The following CLSTN1 variants were observed in gnomAD, a reference collection of about 807,000 sequenced individuals.
CLSTN1 encodes calsyntenin 1, also known as calsyntenin-1.
A neutral mutation model predicts 108.3 loss-of-function variants in CLSTN1; 28 were observed. The observed-to-expected ratio is 0.26, with a 90% CI of 0.19 to 0.35. The LOEUF is 0.35. Ranked by LOEUF, CLSTN1 falls within the 10% of genes least tolerant of loss-of-function variation. CLSTN1 has a pLI of 1.00. For synonymous variants in CLSTN1, 524 were observed against 534.9 expected, an observed-to-expected ratio of 0.98 and a Z score of 0.28; for missense variants, 1,157 against 1,302.6, an observed-to-expected ratio of 0.89 and a Z score of 1.72.
At chr1:9,765,400 T>C (rs1297002448) in intron 2 of CLSTN1, among the ~76,000 whole-genome samples, 1 of 150,866 alleles carries the variant, frequency 6.6e-6, no homozygotes, top group African/African-American at 2.4e-5. Context: ...AAAGAAAAAA[T>C]TGGCCTGGTG....
In CLSTN1 at chr1:9,731,286, T is replaced by C. The variant is rs1342648951; in HGVS notation, c.2668A>G (p.Met890Val). The C allele has an allele frequency of 1.2e-6, 2 of 1,614,142 alleles. No individual in the cohort carries two copies. Among genetic ancestry groups the C allele is most frequent in the Admixed American group, 1.7e-5 (1 of 60,014 alleles). Residue 890 changes from methionine to valine, a missense_variant, in exon 18 of 19, where the codon ATG becomes GTG. Transcript: ENST00000377298. ...FRIRAAHRRT[M>V]RDQDTGKENE... ...TCCTTCCCGGTGTCCTGATCCCGCA[T>C]GGTCCGCCGATGTGCGGCCCGGATC...
At chr1:9,824,403 G>A (rs1217282720), upstream of CLSTN1, 2 of 152,028 alleles carry the variant, frequency 1.3e-5, no homozygotes, top group South Asian at 2.1e-4. The surrounding 1 kb of genome is among the most constrained non-coding windows in gnomAD (Gnocchi z 5.0). Context: ...CGCAGACCCC[G>A]GCGGAGCAGT....
chr1:9,746,837 C>T (rs975801100), intron 7 of CLSTN1, among the ~76,000 whole-genome samples: 1 of 152,134 alleles, frequency 6.6e-6, no homozygotes. Flanking sequence ...TCAATACCCA[C>T]CTACTTCGTA....
chr1:9,744,698 C>T, intron 7 of CLSTN1, 55 bp from the exon 8 acceptor site: 1 of 1,539,064 alleles, frequency 6.5e-7, no homozygotes, highest in East Asian at 2.3e-5. Context: ...TCCCGCGCAC[C>T]TCAAGCCCCC....
At chr1:9,756,691 CT>C (rs1651822941) in intron 2 of CLSTN1, among the ~76,000 whole-genome samples, 181 bp from the exon 3 acceptor site, 1 of 152,206 alleles carries the variant, frequency 6.6e-6, no homozygotes, top group African/African-American at 2.4e-5. Context: ...TTGAATCCAA[CT>C]TACCATGAAC....
At chr1:9,807,433 AC>A (rs1654553820) in intron 1 of CLSTN1, among the ~76,000 whole-genome samples, 1 of 152,240 alleles carries the variant, frequency 6.6e-6, no homozygotes, top group Non-Finnish European at 1.5e-5. Context: ...GCTGGGAGTT[AC>A]ATCAAATACA....
rs184994884 is a variant in CLSTN1 at position 9,747,722 on chromosome 1, C to G, written c.985+1739G>C. ...TGTTGATCAGGCTGGTCTTAGACCC[C>G]TGACCTCAAGTGATCTGGATAATTT... On this transcript the variant is annotated intron_variant, in intron 7 of 18. Coordinates refer to ENST00000377298, the MANE Select transcript of CLSTN1 (RefSeq NM_001009566.3). Among the ~76,000 whole-genome samples, 386 of 152,176 alleles carry G rather than the reference C, an allele frequency of 2.5e-3. 3 individuals are homozygous for G. The highest frequency in any genetic ancestry group is 8.8e-3 in the African/African-American group (365 of 41,530).
chr1:9,776,511 T>C (rs909500689), intron 1 of CLSTN1, among the ~76,000 whole-genome samples: 2 of 151,952 alleles, frequency 1.3e-5, no homozygotes, highest in African/African-American at 2.4e-5. Flanking sequence ...AAAATTTTGC[T>C]GTAGTTTACA....
Position 9,742,277 on chromosome 1 carries a change from T to C in CLSTN1, c.1357-1021A>G, listed in dbSNP as rs142418196. ...CTTGTCTATGAGATACATCATGACA[T>C]ACAGGCGGGCGTCTACAAGAATGAA... On this transcript the variant is annotated intron_variant, in intron 9 of 18. Coordinates refer to ENST00000377298, the MANE Select transcript of CLSTN1 (RefSeq NM_001009566.3). 4.7e-3 allele frequency among the ~76,000 whole-genome samples: 719 copies of C among 152,276 alleles called. 27 individuals are homozygous for C. Among genetic ancestry groups the C allele is most frequent in the Admixed American group, 0.035 (528 of 15,280 alleles).
chr1:9,777,303 T>C (rs1212351286), intron 1 of CLSTN1, among the ~76,000 whole-genome samples: 2 of 151,054 alleles, frequency 1.3e-5, no homozygotes, highest in African/African-American at 4.9e-5. Context: ...GCGGATCACT[T>C]GAAGTCAGGA....
intron 1 of CLSTN1, among the ~76,000 whole-genome samples, chr1:9,789,107 G>C (rs891171179): frequency 3.3e-5 from 5 of 151,412 alleles, no homozygotes; most frequent in African/African-American, 4.8e-5. Context: ...TCCACCTTTT[G>C]GCCATTGTGA....
chr1:9,798,903 G>A lies in CLSTN1; in HGVS notation c.91+24740C>T, dbSNP rs566980023. The stretch of plus-strand genomic sequence containing the variant: ...CCCCCCAAAATTGGAGACAGGCTGC[G>A]TGTGATGGCTCGCACCTGTAATCCC... On this transcript the variant is annotated intron_variant, in intron 1 of 18. Transcript: ENST00000377298. Among the ~76,000 whole-genome samples the A allele has an allele frequency of 5.3e-5, 8 of 152,326 alleles. No individual in the cohort carries two copies. In the South Asian group the frequency reaches 1.0e-3, roughly 20 times the overall value.
chr1:9,733,999 T>G lies in CLSTN1; in HGVS notation c.2254A>C (p.Ser752Arg). Reference sequence around the variant, plus strand: ...GTGAAGGTCATGCCCAGTTCAGAGCTGCTCACTTCAATGCCCTTCTGCTGC... The same window carrying G: ...GTGAAGGTCATGCCCAGTTCAGAGCGGCTCACTTCAATGCCCTTCTGCTGC... ...RLQQKGIEVS[S>R]SELGMTFTGV... The change falls in exon 15 of 19, where the codon AGC becomes CGC. Residue 752 changes from serine to arginine, a missense_variant. Coordinates refer to ENST00000377298, the MANE Select transcript of CLSTN1 (RefSeq NM_001009566.3). The G allele has an allele frequency of 6.2e-7, 1 of 1,614,096 alleles. No homozygotes were observed. The highest frequency in any genetic ancestry group is 8.5e-7 in the Non-Finnish European group (1 of 1,180,024).
In CLSTN1 at chr1:9,777,013, T is replaced by C. The variant is rs1652985678; in HGVS notation, c.92-3619A>G. ...ACACAGATCACTTGAGGTCAGGAGTTTGAGACCAGCCTGGCCAACATGGTG... is the reference window on the plus strand; with the variant it reads ...ACACAGATCACTTGAGGTCAGGAGTCTGAGACCAGCCTGGCCAACATGGTG... On this transcript the variant is annotated intron_variant, in intron 1 of 18. Transcript: ENST00000377298. 1.3e-5 allele frequency among the ~76,000 whole-genome samples: 2 copies of C among 151,870 alleles called. 1 individual carries two copies. The highest frequency in any genetic ancestry group is 4.2e-4 in the South Asian group (2 of 4,812).
intron 2 of CLSTN1, among the ~76,000 whole-genome samples, chr1:9,769,571 G>C (rs764735583): frequency 6.6e-6 from 1 of 152,186 alleles, no homozygotes; most frequent in South Asian, 2.1e-4. Flanking sequence ...TGATTATCCA[G>C]AATAGAGAAA....
At chr1:9,796,271 A>AC (rs1653993579) in intron 1 of CLSTN1, among the ~76,000 whole-genome samples, 2 of 144,194 alleles carry the variant, frequency 1.4e-5, no homozygotes, top group African/African-American at 5.6e-5. Flanking sequence ...AAAAACAAAA[A>AC]AAAAAACAAA....
intron 11 of CLSTN1, 75 bp downstream of exon 11, chr1:9,737,423 A>G: frequency 7.2e-7 from 1 of 1,398,380 alleles, no homozygotes; most frequent in Non-Finnish European, 1.0e-6. Flanking sequence ...GGGGCGTTTC[A>G]TGCGACACGT....
At chr1:9,779,257 T>A (rs1557711370) in intron 1 of CLSTN1, among the ~76,000 whole-genome samples, 1 of 152,036 alleles carries the variant, frequency 6.6e-6, no homozygotes, top group Non-Finnish European at 1.5e-5. Flanking sequence ...AAACTCAACA[T>A]CCTCTCCAGA....
Position 9,728,980 on chromosome 1 carries a change from T to C in CLSTN1, c.*1528A>G, listed in dbSNP as rs1011675348. On this transcript the variant is annotated 3_prime_UTR_variant, in exon 19 of 19. Coordinates refer to ENST00000377298, the MANE Select transcript of CLSTN1 (RefSeq NM_001009566.3). ...TCAAAAAGAAACAAGGGAGTGTAGGTTTAAAACCAAAACAGGAGAGAAGAC... is the reference window on the plus strand; with the variant it reads ...TCAAAAAGAAACAAGGGAGTGTAGGCTTAAAACCAAAACAGGAGAGAAGAC... The C allele has an allele frequency of 6.6e-6, 1 of 152,100 alleles. No homozygotes were observed. Among genetic ancestry groups the C allele is most frequent in the East Asian group, 1.9e-4 (1 of 5,194 alleles). The allele number at this position is 152,100 out of a possible 1,614,324, so 9.4% of individuals were successfully genotyped here. A position where few individuals can be genotyped will look rare whatever the true frequency, so the allele number is the denominator to read the frequency against.
Sources: gnomAD v4.1 joint callset for allele counts (sites outside exome capture counted in the v4.1 genomes callset) on GRCh38, gnomAD v4.1.1 for gene constraint, Gnocchi (gnomAD v3.1) non-coding constraint, MANE v1.5 for transcripts, NCBI Gene and HGNC (gene_info 2026-07-23, HGNC 2026-07-21) for gene names.